BACH2: variants seen among roughly 807,000 people sequenced by gnomAD.
BACH2 encodes the protein transcription regulator protein BACH2.
BACH2 carries 5 observed loss-of-function variants against 61.8 expected under a neutral mutation model. The ratio of observed to expected loss-of-function variants is 0.08; its 90% confidence interval spans 0.04 to 0.17. BACH2 has a LOEUF of 0.17. BACH2 is among the 10% of genes least tolerant of loss of function. BACH2 has a pLI of 1.00. For synonymous variants in BACH2, 446 were observed against 440.1 expected, an observed-to-expected ratio of 1.01 and a Z score of -0.17; for missense variants, 824 against 1,091.1, an observed-to-expected ratio of 0.76 and a Z score of 3.45.
intron 3 of BACH2, among the ~76,000 whole-genome samples, chr6:90,219,788 AC>A (rs1769676401): frequency 5.4e-4 from 2 of 3,682 alleles, no homozygotes; most frequent in African/African-American, 2.0e-3. Context: ...AAACACATAC[AC>A]ACACACACAC....
chr6:90,176,638 C>A (rs1767992178), intron 4 of BACH2, among the ~76,000 whole-genome samples: 1 of 152,132 alleles, frequency 6.6e-6, no homozygotes, highest in African/African-American at 2.4e-5. Flanking sequence ...TGTGTATCCC[C>A]ACCTACCCTT....
intron 5 of BACH2, among the ~76,000 whole-genome samples, chr6:90,023,853 T>G (rs1436893757): frequency 6.6e-6 from 1 of 152,220 alleles, no homozygotes; most frequent in African/African-American, 2.4e-5. Flanking sequence ...ATCCTGATCT[T>G]AGACTTCTAA....
In BACH2 at chr6:89,950,232, G is replaced by A. The variant is rs753569706; in HGVS notation, c.1836+38C>T. On this transcript the variant is annotated intron_variant, in intron 7 of 8. Transcript: ENST00000257749. The surrounding 1 kb of genome is among the most constrained non-coding windows in gnomAD (Gnocchi z 5.3). The stretch of plus-strand genomic sequence containing the variant: ...GAGTAGTCCAGATAAAGGGCCTAGA[G>A]AGTGGGTCACATGCTTGAATTTATG... The A allele has an allele frequency of 1.1e-5, 18 of 1,611,940 alleles. No individual in the cohort carries two copies. The East Asian group carries it at 3.3e-4, about 30-fold the overall frequency.
chr6:90,131,025 G>C (rs1436815705), intron 4 of BACH2, among the ~76,000 whole-genome samples: 2 of 152,318 alleles, frequency 1.3e-5, no homozygotes, highest in East Asian at 3.9e-4. Flanking sequence ...TTAGTGGGAA[G>C]AGTCACTCCT....
At chr6:90,091,568 A>G (rs528773826) in intron 4 of BACH2, among the ~76,000 whole-genome samples, 9 of 152,306 alleles carry the variant, frequency 5.9e-5, no homozygotes, top group Non-Finnish European at 1.0e-4. Flanking sequence ...ATTTAACCTT[A>G]CAGGATAACT....
At chr6:90,214,909 G>A (rs890075821) in intron 3 of BACH2, among the ~76,000 whole-genome samples, 1 of 151,850 alleles carries the variant, frequency 6.6e-6, no homozygotes, top group Non-Finnish European at 1.5e-5. Context: ...CTACAGGTGT[G>A]CACCACCCAT....
At chr6:90,006,035 T>C (rs1053024195) in intron 6 of BACH2, among the ~76,000 whole-genome samples, 1 of 152,206 alleles carries the variant, frequency 6.6e-6, no homozygotes, top group Non-Finnish European at 1.5e-5. Flanking sequence ...CCTTTTCCAA[T>C]GCCATGGAAA....
At chr6:89,948,710 G>C (rs533693040) in intron 7 of BACH2, among the ~76,000 whole-genome samples, 1 of 152,282 alleles carries the variant, frequency 6.6e-6, no homozygotes, top group East Asian at 1.9e-4. Context: ...TGAGTGAGGA[G>C]AGAGAAAACA....
At chr6:90,110,670 A>G (rs1562450978) in intron 4 of BACH2, among the ~76,000 whole-genome samples, 2 of 152,212 alleles carry the variant, frequency 1.3e-5, no homozygotes, top group African/African-American at 4.8e-5. Flanking sequence ...TTGAAGTATC[A>G]GGGCACTTCA....
chr6:89,933,000 C>T, intron 8 of BACH2, 110 bp from the exon 9 acceptor site: 1 of 1,238,022 alleles, frequency 8.1e-7, no homozygotes, highest in South Asian at 1.7e-5. Flanking sequence ...TATAATGTAA[C>T]TCAAGAATGA....
intron 3 of BACH2, among the ~76,000 whole-genome samples, chr6:90,243,321 T>C (rs1169944748): frequency 6.6e-6 from 1 of 152,220 alleles, no homozygotes; most frequent in Non-Finnish European, 1.5e-5. Flanking sequence ...ATCTTTGTGA[T>C]GCCAATAACT....
chr6:90,023,418 C>G (rs1410098835), intron 5 of BACH2, among the ~76,000 whole-genome samples: 2 of 152,126 alleles, frequency 1.3e-5, no homozygotes, highest in Admixed American at 6.6e-5. Flanking sequence ...TCCTCCTGCT[C>G]TGGCCACATG....
At chr6:90,063,465 A>G (rs1487087677) in intron 5 of BACH2, among the ~76,000 whole-genome samples, 1 of 152,240 alleles carries the variant, frequency 6.6e-6, no homozygotes, top group Admixed American at 6.5e-5. Context: ...TGAAAGGCCA[A>G]ATGATGTGCA....
At chr6:90,159,223 G>A (rs537253674) in intron 4 of BACH2, among the ~76,000 whole-genome samples, 31 of 152,256 alleles carry the variant, frequency 2.0e-4, no homozygotes, top group African/African-American at 6.5e-4. Flanking sequence ...TGAAAGGCAC[G>A]GACCATGGCA....
intron 3 of BACH2, among the ~76,000 whole-genome samples, chr6:90,208,654 A>G (rs1357440785): frequency 6.6e-6 from 1 of 152,224 alleles, no homozygotes; most frequent in Non-Finnish European, 1.5e-5. Flanking sequence ...GTGATTCCTC[A>G]AGGATCTAGA....
At chr6:90,094,597 C>G (rs1350550906) in intron 4 of BACH2, among the ~76,000 whole-genome samples, 1 of 152,140 alleles carries the variant, frequency 6.6e-6, no homozygotes, top group African/African-American at 2.4e-5. Flanking sequence ...TTTGCCTAAA[C>G]TTCAAGGACG....
intron 3 of BACH2, among the ~76,000 whole-genome samples, chr6:90,208,373 C>T (rs140320996): frequency 2.9e-3 from 435 of 152,166 alleles, no homozygotes; most frequent in Non-Finnish European, 4.9e-3. Context: ...AAAAACAACC[C>T]CATCAAAAAG....
chr6:89,974,254 T>TA (rs1775526824), intron 6 of BACH2, among the ~76,000 whole-genome samples: 1 of 152,338 alleles, frequency 6.6e-6, no homozygotes. Context: ...TTTGGCAAGT[T>TA]AATTAACCTC....
chr6:90,032,811 G>A lies in BACH2; in HGVS notation c.-12-23955C>T, dbSNP rs1473952980. On this transcript the variant is annotated intron_variant, in intron 5 of 8. Coordinates refer to ENST00000257749, the MANE Select transcript of BACH2 (RefSeq NM_021813.4). ...GAAGTCAGTGTGGCGATTCCTCAGG[G>A]ATCCAGAACTAGAAATACTATTTGA... Among the ~76,000 whole-genome samples the A allele has an allele frequency of 2.0e-5, 3 of 152,176 alleles. No individual in the cohort carries two copies. In the East Asian group the frequency reaches 5.8e-4, roughly 29 times the overall value.
Sources: gnomAD v4.1 joint callset for allele counts (sites outside exome capture counted in the v4.1 genomes callset) on GRCh38, gnomAD v4.1.1 for gene constraint, Gnocchi (gnomAD v3.1) non-coding constraint, MANE v1.5 for transcripts, NCBI Gene and HGNC (gene_info 2026-07-23, HGNC 2026-07-21) for gene names.